DPP10: variants seen among roughly 807,000 people sequenced by gnomAD.
DPP10 encodes the protein dipeptidyl peptidase like 10, also known as inactive dipeptidyl peptidase 10.
In DPP10, 33 loss-of-function variants were observed where a neutral mutation model predicts 120.9. That is an observed-to-expected ratio of 0.27 (90% confidence interval 0.21 to 0.37). The LOEUF (loss-of-function observed/expected upper bound fraction) is 0.37. Among genes scored for constraint, DPP10 ranks in the 10% least tolerant of loss-of-function variants. The pLI is 1.00. For missense variants in DPP10, 816 were observed against 942.8 expected (o/e 0.87, Z 1.76); for synonymous variants, 337 against 326.1 (o/e 1.03, Z -0.36).
At chr2:114,861,358 A>C (rs1011290584) in intron 1 of DPP10, among the ~76,000 whole-genome samples, 4 of 152,030 alleles carry the variant, frequency 2.6e-5, no homozygotes, top group African/African-American at 9.7e-5. Context: ...ACCATGGCTC[A>C]GCAGTCTACA....
At chr2:115,161,809 C>A in intron 1 of DPP10, 1 of 746,236 alleles carries the variant, frequency 1.3e-6, no homozygotes, top group Non-Finnish European at 1.9e-6. Flanking sequence ...CGCTCTTCTT[C>A]CCCTCCCCGC....
intron 1 of DPP10, among the ~76,000 whole-genome samples, chr2:115,182,063 A>G (rs1249800987): frequency 3.9e-5 from 6 of 152,228 alleles, no homozygotes; most frequent in African/African-American, 1.4e-4. Context: ...TAAAATAGAA[A>G]TAAATATAAA....
intron 3 of DPP10, among the ~76,000 whole-genome samples, chr2:115,370,102 C>A (rs564530685): frequency 2.0e-5 from 3 of 152,172 alleles, no homozygotes; most frequent in African/African-American, 7.2e-5. Flanking sequence ...ATTGAGATTT[C>A]TCATTTGGAA....
chr2:114,683,580 CTCTT>C (rs1393483725), intron 1 of DPP10, among the ~76,000 whole-genome samples: 13 of 112,964 alleles, frequency 1.2e-4, no homozygotes, highest in Middle Eastern at 4.7e-3. Context: ...CCCTCTCTCT[CTCTT>C]TTTCTTTTTT....
At chr2:114,856,901 T>C (rs1441273366) in intron 1 of DPP10, among the ~76,000 whole-genome samples, 1 of 152,238 alleles carries the variant, frequency 6.6e-6, no homozygotes, top group Non-Finnish European at 1.5e-5. Context: ...TGATAGTAAC[T>C]ACCATTTTTG....
chr2:114,875,675 G>T (rs1422336570), intron 1 of DPP10, among the ~76,000 whole-genome samples: 6 of 152,040 alleles, frequency 3.9e-5, no homozygotes, highest in Admixed American at 3.9e-4. Flanking sequence ...AGACAGTTAA[G>T]AAATTAGCAT....
At chr2:114,810,844 G>C (rs1374666058) in intron 1 of DPP10, among the ~76,000 whole-genome samples, 1 of 152,166 alleles carries the variant, frequency 6.6e-6, no homozygotes, top group Non-Finnish European at 1.5e-5. Context: ...AGCAGTTTAT[G>C]CACATAATTG....
At chr2:114,558,333 C>T (rs1287527525) in intron 1 of DPP10, among the ~76,000 whole-genome samples, 1 of 152,212 alleles carries the variant, frequency 6.6e-6, no homozygotes, top group Non-Finnish European at 1.5e-5. Context: ...TAATTGGGCT[C>T]TCTTTCTGGT....
chr2:115,669,565 T>G (rs2089714826), intron 5 of DPP10, among the ~76,000 whole-genome samples: 1 of 152,138 alleles, frequency 6.6e-6, no homozygotes, highest in Non-Finnish European at 1.5e-5. Flanking sequence ...ATATCTTTAT[T>G]TATTTTTCTT....
rs1027095186 is a variant in DPP10, at chr2:114,952,040, A to G, written c.61-357199A>G. ...TATTTTATAAATAGTAACTAATATA[A>G]GTAGTTTACACATATAATTTCGGTG... On this transcript the variant is annotated intron_variant, in intron 1 of 25. Transcript: ENST00000410059. Among the ~76,000 whole-genome samples the G allele has an allele frequency of 4.6e-5, 7 of 152,048 alleles. No individual in the cohort carries two copies. The South Asian group carries it at 1.2e-3, about 27-fold the overall frequency.
intron 5 of DPP10, among the ~76,000 whole-genome samples, chr2:115,656,962 A>G (rs1336353295): frequency 6.6e-6 from 1 of 151,666 alleles, no homozygotes; most frequent in African/African-American, 2.4e-5. Flanking sequence ...TCTGTTATGC[A>G]TAATAAATAA....
intron 5 of DPP10, among the ~76,000 whole-genome samples, chr2:115,577,271 G>A (rs548167999): frequency 6.6e-6 from 1 of 152,302 alleles, no homozygotes; most frequent in South Asian, 2.1e-4. Flanking sequence ...TCTAGTTTCT[G>A]TGGAAAGCCA....
At chr2:114,608,652 T>C (rs566907793) in intron 1 of DPP10, among the ~76,000 whole-genome samples, 3 of 151,834 alleles carry the variant, frequency 2.0e-5, no homozygotes, top group Admixed American at 6.6e-5. Context: ...GAATCAATGA[T>C]GCACCGGGTA....
intron 1 of DPP10, among the ~76,000 whole-genome samples, chr2:114,708,106 G>C (rs1700795503): frequency 6.6e-6 from 1 of 152,148 alleles, no homozygotes; most frequent in African/African-American, 2.4e-5. Flanking sequence ...TAGGAGTCAG[G>C]CAAAGCAACT....
Position 114,448,335 on chromosome 2 carries a change from A to C in DPP10, c.60+5497A>C, listed in dbSNP as rs190716321. On this transcript the variant is annotated intron_variant, in intron 1 of 25. Coordinates refer to ENST00000410059, the MANE Select transcript of DPP10 (RefSeq NM_020868.6). ...TTATTCTTGAGAAAGTAATGTGTTA[A>C]TACTTTTCTAGAAATTCATGTTTTG... 5.9e-5 allele frequency among the ~76,000 whole-genome samples: 9 copies of C among 152,302 alleles called. No individual in the cohort carries two copies. In the East Asian group the frequency reaches 1.7e-3, roughly 29 times the overall value.
At chr2:114,966,048 C>G (rs1478225810) in intron 1 of DPP10, among the ~76,000 whole-genome samples, 1 of 148,164 alleles carries the variant, frequency 6.7e-6, no homozygotes, top group Non-Finnish European at 1.5e-5. Flanking sequence ...ATGGGACAAT[C>G]AAATAATTAG....
At chr2:114,786,498 T>C (rs895290246) in intron 1 of DPP10, among the ~76,000 whole-genome samples, 1 of 152,204 alleles carries the variant, frequency 6.6e-6, no homozygotes, top group African/African-American at 2.4e-5. Flanking sequence ...ATTACAGCAA[T>C]ACTGAAGTGT....
chr2:114,776,351 TATCTCCTCTGCTTGAATG>T (rs2106173463), intron 1 of DPP10, among the ~76,000 whole-genome samples: 1 of 152,216 alleles, frequency 6.6e-6, no homozygotes, highest in Admixed American at 6.5e-5. Flanking sequence ...TTGAACACAC[TATCTCCTCTGCTTGAATG>T]ACCTTTGCTG....
intron 5 of DPP10, among the ~76,000 whole-genome samples, chr2:115,568,887 G>A (rs185536277): frequency 6.6e-6 from 1 of 152,286 alleles, no homozygotes; most frequent in East Asian, 1.9e-4. Context: ...CAATTAGTGA[G>A]AAGTCTCATT....
Sources: allele counts gnomAD v4.1 joint callset (sites outside exome capture counted in the v4.1 genomes callset), GRCh38; gene constraint gnomAD v4.1.1; transcripts MANE v1.5; gene names NCBI Gene and HGNC (gene_info 2026-07-23, HGNC 2026-07-21).